NR2F1-AS1: variants seen among roughly 807,000 people sequenced by gnomAD.
The protein encoded by NR2F1-AS1 is NR2F1 antisense RNA 1.
At chr5:93,420,655 G>A (rs1716691721) in intron 4 of NR2F1-AS1, among the ~76,000 whole-genome samples, 1 of 152,212 alleles carries the variant, frequency 6.6e-6, no homozygotes, top group South Asian at 2.1e-4. Flanking sequence ...TACAGGGAGA[G>A]TCTAAACATA....
chr5:93,414,753 A>G (rs1231460305), intron 4 of NR2F1-AS1, among the ~76,000 whole-genome samples: 1 of 152,172 alleles, frequency 6.6e-6, no homozygotes. Flanking sequence ...TTGCATGTAC[A>G]CTTGTAAATT....
intron 4 of NR2F1-AS1, among the ~76,000 whole-genome samples, chr5:93,512,730 CAAAT>C (rs1751325202): frequency 6.6e-6 from 1 of 152,062 alleles, no homozygotes; most frequent in Admixed American, 6.6e-5. Context: ...TTTTGATACA[CAAAT>C]AATTACCATT....
intron 4 of NR2F1-AS1, among the ~76,000 whole-genome samples, chr5:93,526,355 G>A (rs962769000): frequency 2.6e-5 from 4 of 152,168 alleles, no homozygotes; most frequent in African/African-American, 9.6e-5. Flanking sequence ...AGTAATTAAC[G>A]GCCTACCAAC....
At chr5:93,533,580 G>A (rs1270147900) in intron 4 of NR2F1-AS1, among the ~76,000 whole-genome samples, 1 of 151,946 alleles carries the variant, frequency 6.6e-6, no homozygotes, top group East Asian at 1.9e-4. Flanking sequence ...TTTAATTTAG[G>A]AAAAGAGTTC....
chr5:93,575,803 C>A (rs1160459060), intron 1 of NR2F1-AS1, among the ~76,000 whole-genome samples: 2 of 152,086 alleles, frequency 1.3e-5, no homozygotes, highest in Non-Finnish European at 2.9e-5. Context: ...GAAAGTATCA[C>A]CTAGACTGCT....
chr5:93,545,404 G>A (rs1161765908), intron 4 of NR2F1-AS1, among the ~76,000 whole-genome samples: 1 of 152,156 alleles, frequency 6.6e-6, no homozygotes, highest in African/African-American at 2.4e-5. Context: ...GGAGTACTTG[G>A]TTATTTGACA....
intron 4 of NR2F1-AS1, among the ~76,000 whole-genome samples, chr5:93,545,932 C>A (rs1050617179): frequency 6.6e-6 from 1 of 152,172 alleles, no homozygotes; most frequent in Non-Finnish European, 1.5e-5. Flanking sequence ...AGACAAGAGG[C>A]TATCCCAAGG....
chr5:93,556,018 G>C lies in NR2F1-AS1; in HGVS notation n.414-1023C>G, dbSNP rs188120914. Among the ~76,000 whole-genome samples the C allele has an allele frequency of 5.6e-3, 847 of 152,122 alleles. 7 individuals carry two copies. Among genetic ancestry groups the C allele is most frequent in the African/African-American group, 0.019 (786 of 41,490 alleles). ...ATTAACCCTAAAGAGCCTCACCCAG[G>C]ATCCCTTGACAATATAACTGAGCCC... On this transcript the variant is annotated intron_variant and non_coding_transcript_variant, in intron 2 of 5. Transcript: ENST00000660523.
At chr5:93,578,900 G>A (rs1453354037) in intron 1 of NR2F1-AS1, among the ~76,000 whole-genome samples, 1 of 152,126 alleles carries the variant, frequency 6.6e-6, no homozygotes, top group Non-Finnish European at 1.5e-5. Context: ...GTCGCATTAG[G>A]CCCAGGACAA....
chr5:93,422,481 T>C (rs1309744980), intron 4 of NR2F1-AS1: 3 of 152,208 alleles, frequency 2.0e-5, no homozygotes, highest in Non-Finnish European at 4.4e-5. Context: ...AAAGACAGCA[T>C]GCAGGTTTTA....
intron 4 of NR2F1-AS1, among the ~76,000 whole-genome samples, chr5:93,449,216 C>A (rs187546721): frequency 6.6e-6 from 1 of 151,914 alleles, no homozygotes; most frequent in Admixed American, 6.6e-5. Flanking sequence ...TAAAATTTAC[C>A]CAGGGCTCTT....
At chr5:93,514,714 A>G (rs1751367750) in intron 4 of NR2F1-AS1, among the ~76,000 whole-genome samples, 1 of 152,096 alleles carries the variant, frequency 6.6e-6, no homozygotes. Context: ...ATTATACAAG[A>G]GTATAATTAG....
intron 4 of NR2F1-AS1, among the ~76,000 whole-genome samples, chr5:93,527,204 TAG>T (rs889916973): frequency 1.3e-5 from 2 of 151,802 alleles, no homozygotes; most frequent in African/African-American, 4.8e-5. Context: ...ACATCAATAA[TAG>T]ACAGACAGAG....
chr5:93,520,637 T>C (rs908692821), intron 4 of NR2F1-AS1, among the ~76,000 whole-genome samples: 2 of 152,086 alleles, frequency 1.3e-5, no homozygotes, highest in Admixed American at 1.3e-4. Flanking sequence ...CTCAAGTAGA[T>C]TTGTACCAGA....
intron 4 of NR2F1-AS1, among the ~76,000 whole-genome samples, chr5:93,493,511 T>C (rs1750894710): frequency 6.6e-6 from 1 of 152,118 alleles, no homozygotes; most frequent in African/African-American, 2.4e-5. Context: ...CAAATTCATA[T>C]GGAACTGTAC....
chr5:93,523,025 C>T (rs1042884017), intron 4 of NR2F1-AS1, among the ~76,000 whole-genome samples: 4 of 151,938 alleles, frequency 2.6e-5, no homozygotes, highest in African/African-American at 9.7e-5. Context: ...GGAAAGGGGG[C>T]TAAAGCCAGG....
chr5:93,541,112 G>C (rs894795316), intron 4 of NR2F1-AS1, among the ~76,000 whole-genome samples: 1 of 152,048 alleles, frequency 6.6e-6, no homozygotes, highest in Non-Finnish European at 1.5e-5. Context: ...TTTGACTGAG[G>C]TAAGAAATAC....
At chr5:93,525,257 CA>C (rs1751587258) in intron 4 of NR2F1-AS1, among the ~76,000 whole-genome samples, 1 of 151,956 alleles carries the variant, frequency 6.6e-6, no homozygotes, top group Admixed American at 6.6e-5. Context: ...TCAAAAAAGA[CA>C]AAGAAGGGCA....
chr5:93,446,121 T>C, intron 4 of NR2F1-AS1, among the ~76,000 whole-genome samples: 1 of 152,154 alleles, frequency 6.6e-6, no homozygotes, highest in East Asian at 1.9e-4. Context: ...ACTGGAAGCA[T>C]TCCCTTGGAA....
Sources: allele counts gnomAD v4.1 joint callset (sites outside exome capture counted in the v4.1 genomes callset), GRCh38; gene constraint gnomAD v4.1.1; transcripts MANE v1.5; gene names NCBI Gene and HGNC (gene_info 2026-07-23, HGNC 2026-07-21).